MET: variants seen among roughly 807,000 people sequenced by gnomAD.
The protein encoded by MET is MET proto-oncogene, receptor tyrosine kinase, also known as hepatocyte growth factor receptor.
In MET, 48 loss-of-function variants were observed where a neutral mutation model predicts 133.1. That is an observed-to-expected ratio of 0.36 (90% CI 0.29 to 0.46). MET has a LOEUF of 0.46. MET is among the 20% of genes least tolerant of loss of function. The probability of loss-of-function intolerance (pLI) is 1.00; values close to 1 mark genes in which losing one functional copy is unlikely to be tolerated. For synonymous variants in MET, 628 were observed against 616.5 expected, an observed-to-expected ratio of 1.02 and a Z score of -0.28; for missense variants, 1,442 against 1,695.9, an observed-to-expected ratio of 0.85 and a Z score of 2.63.
rs1791500546 is a variant in MET, at chr7:116,699,839, C to T, written c.755C>T (p.Ala252Val). The T allele has an allele frequency of 6.2e-7, 1 of 1,614,058 alleles. No individual in the cohort carries two copies. The highest frequency in any genetic ancestry group is 1.1e-5 in the South Asian group (1 of 91,078). Residue 252 changes from alanine to valine, a missense_variant, in exon 2 of 21, where the codon GCC (alanine) becomes GTC (valine). Around this residue, in one of 6 missense-constraint regions of MET, gnomAD observed 762 missense variants for 792.4 expected, o/e 0.96. Transcript: ENST00000397752. ...TCTTACCCCATTAAGTATGTCCATGCCTTTGAAAGCAACAATTTTATTTAC... is the reference window on the plus strand; with the variant it reads ...TCTTACCCCATTAAGTATGTCCATGTCTTTGAAAGCAACAATTTTATTTAC... ...RDSYPIKYVHAFESNNFIYFL... is the reference protein window; with the variant it reads ...RDSYPIKYVHVFESNNFIYFL...
intron 19 of MET, 38 bp from the exon 20 acceptor site, chr7:116,795,617 A>C: frequency 6.2e-7 from 1 of 1,612,256 alleles, no homozygotes; most frequent in East Asian, 2.2e-5. Flanking sequence ...GTATGGTCAC[A>C]TCTCTCACCT....
At chr7:116,712,032 C>T (rs1792021718) in intron 2 of MET, among the ~76,000 whole-genome samples, 1 of 152,198 alleles carries the variant, frequency 6.6e-6, no homozygotes, top group Non-Finnish European at 1.5e-5. Flanking sequence ...ACACTTGGCT[C>T]TGTGAACTGT....
chr7:116,707,033 T>C (rs1337772896), intron 2 of MET, among the ~76,000 whole-genome samples: 3 of 152,094 alleles, frequency 2.0e-5, no homozygotes, highest in Non-Finnish European at 4.4e-5. Context: ...CTGAGCCATG[T>C]TGACTTCCTA....
At chr7:116,673,990 T>A (rs974080342) in intron 1 of MET, among the ~76,000 whole-genome samples, 1 of 152,216 alleles carries the variant, frequency 6.6e-6, no homozygotes, top group Non-Finnish European at 1.5e-5. Flanking sequence ...AGTACAAAAA[T>A]GTGTCTGATA....
chr7:116,762,726 C>T (rs1047760118), intron 10 of MET, among the ~76,000 whole-genome samples: 1 of 152,154 alleles, frequency 6.6e-6, no homozygotes, highest in Non-Finnish European at 1.5e-5. Flanking sequence ...GCCTGACTGC[C>T]TCACACAACA....
At chr7:116,734,893 TCTGAG>T (rs1245785485) in intron 3 of MET, among the ~76,000 whole-genome samples, 2 of 152,208 alleles carry the variant, frequency 1.3e-5, no homozygotes, top group Non-Finnish European at 2.9e-5. Flanking sequence ...ACGTCTCCCT[TCTGAG>T]CGCCTCGTCT....
At chr7:116,777,342 A>G in intron 15 of MET, 47 bp from the exon 16 acceptor site, 2 of 1,429,668 alleles carry the variant, frequency 1.4e-6, no homozygotes, top group Non-Finnish European at 2.0e-6. Flanking sequence ...TAATTATTTC[A>G]TAATTAAATG....
intron 2 of MET, among the ~76,000 whole-genome samples, chr7:116,707,523 T>C (rs991206513): frequency 7.9e-5 from 12 of 152,192 alleles, no homozygotes; most frequent in Non-Finnish European, 1.2e-4. Context: ...TATATAGTTA[T>C]TCATGATTAG....
rs768521017 is a variant in MET at position 116,778,861 on chromosome 7, C to T, written c.3426C>T (p.Leu1142=). 1 of 1,614,060 alleles carries T rather than the reference C, an allele frequency of 6.2e-7. No homozygotes were observed. The highest frequency in any genetic ancestry group is 1.1e-5 in the South Asian group (1 of 91,080). ...TTAGTCATCCCAATGTCCTCTCGCT[C>T]CTGGGAATCTGCCTGCGAAGTGAAG... ...KDFSHPNVLS[L]LGICLRSEGS... The change falls in exon 17 of 21, where the codon CTC becomes CTT. Residue 1142 remains leucine, a synonymous_variant. Transcript: ENST00000397752.
At chr7:116,676,245 G>C (rs1254171826) in intron 1 of MET, among the ~76,000 whole-genome samples, 1 of 152,074 alleles carries the variant, frequency 6.6e-6, no homozygotes, top group Non-Finnish European at 1.5e-5. Flanking sequence ...TGTAGCTATA[G>C]GGCCCACAGG....
chr7:116,779,940 C>A (rs1795105837), intron 17 of MET, among the ~76,000 whole-genome samples: 1 of 152,058 alleles, frequency 6.6e-6, no homozygotes, highest in East Asian at 1.9e-4. Flanking sequence ...AACAAATAAA[C>A]AATAGCTATA....
At chr7:116,751,710 GA>G (rs1318422004) in intron 5 of MET, among the ~76,000 whole-genome samples, 4 of 152,136 alleles carry the variant, frequency 2.6e-5, no homozygotes, top group Non-Finnish European at 5.9e-5. Context: ...TCAGAAAAGG[GA>G]GAGCACTTTT....
At chr7:116,781,388 A>C (rs1225209376) in intron 17 of MET, among the ~76,000 whole-genome samples, 2 of 152,200 alleles carry the variant, frequency 1.3e-5, no homozygotes, top group African/African-American at 4.8e-5. Flanking sequence ...TACCTGGAAA[A>C]TAATAAAACT....
intron 10 of MET, among the ~76,000 whole-genome samples, chr7:116,762,816 C>A (rs2116952002): frequency 6.6e-6 from 1 of 152,244 alleles, no homozygotes; most frequent in South Asian, 2.1e-4. Context: ...TCAGATAGAT[C>A]AGCACAGTTT....
At chr7:116,683,336 T>G (rs981897939) in intron 1 of MET, among the ~76,000 whole-genome samples, 14 of 152,224 alleles carry the variant, frequency 9.2e-5, no homozygotes, top group African/African-American at 3.4e-4. Context: ...CTTTGTTAGT[T>G]TGCTAAGGAT....
chr7:116,754,403 G>T (rs1044966393), intron 5 of MET, among the ~76,000 whole-genome samples: 4 of 152,124 alleles, frequency 2.6e-5, no homozygotes, highest in African/African-American at 9.7e-5. Flanking sequence ...GAAGGAGTTT[G>T]ATAAGAGCTC....
intron 2 of MET, among the ~76,000 whole-genome samples, chr7:116,716,495 AAGAAAGAAAG>A (rs1792233195): frequency 2.0e-5 from 3 of 149,892 alleles, no homozygotes; most frequent in Non-Finnish European, 4.4e-5. Flanking sequence ...GAAAGAAAGA[AAGAAAGAAAG>A]AAAGAAAGAA....
intron 19 of MET, 103 bp downstream of exon 19, chr7:116,783,572 C>A: frequency 3.4e-6 from 4 of 1,171,516 alleles, no homozygotes; most frequent in African/African-American, 1.5e-5. Flanking sequence ...TCAACACCAC[C>A]AATTCCAGTT....
chr7:116,778,636 A>C (rs1426453605), intron 16 of MET, 140 bp from the exon 17 acceptor site: 1 of 921,324 alleles, frequency 1.1e-6, no homozygotes, highest in Non-Finnish European at 1.7e-6. Context: ...TGTGATGTAA[A>C]AAGAACACTC....
Sources: allele counts gnomAD v4.1 joint callset (sites outside exome capture counted in the v4.1 genomes callset), GRCh38; gene constraint gnomAD v4.1.1; regional missense constraint gnomAD v4.1.1; transcripts MANE v1.5; gene names NCBI Gene and HGNC (gene_info 2026-07-23, HGNC 2026-07-21).